Variants in MYO9A observed in about 807,000 individuals in gnomAD.
MYO9A encodes the protein myosin IXA, also known as unconventional myosin-IXa.
In MYO9A, 103 loss-of-function variants were observed where a neutral mutation model predicts 293.3. The observed-to-expected ratio is 0.35, with a 90% CI of 0.30 to 0.41. MYO9A has a LOEUF of 0.41. Among genes scored for constraint, MYO9A ranks in the 10% least tolerant of loss-of-function variants. The pLI is 1.00. For missense variants in MYO9A, 2,685 were observed against 3,033.0 expected (o/e 0.89, Z 2.69); for synonymous variants, 1,001 against 1,035.7 (o/e 0.97, Z 0.64).
rs1157525317 is a variant in MYO9A at position 71,916,359 on chromosome 15, C to G, written c.2685+11G>C. On this transcript the variant is annotated intron_variant, in intron 19 of 41. Coordinates refer to ENST00000356056, the MANE Select transcript of MYO9A (RefSeq NM_006901.4). ...AGATTCTTATTTGTTTTAAGCGAAA[C>G]AAGAAATAACCTGAAACTGGGCACT... 2 of 1,603,526 alleles carry G rather than the reference C, an allele frequency of 1.2e-6. No homozygotes were observed. The highest frequency in any genetic ancestry group is 2.2e-5 in the East Asian group (1 of 44,738).
intron 11 of MYO9A, among the ~76,000 whole-genome samples, chr15:71,986,354 G>T (rs1208343221): frequency 6.6e-6 from 1 of 152,096 alleles, no homozygotes; most frequent in East Asian, 1.9e-4. Flanking sequence ...CCCAGGGATG[G>T]CTGTACTTTC....
chr15:71,932,382 G>A (rs1197528042), intron 18 of MYO9A, among the ~76,000 whole-genome samples: 4 of 151,986 alleles, frequency 2.6e-5, no homozygotes, highest in African/African-American at 9.7e-5. Flanking sequence ...CTATCCCTTG[G>A]GAGGGAGCAG....
At chr15:71,879,887 A>G (rs2056821100) in intron 29 of MYO9A, 50 bp from the exon 30 acceptor site, 1 of 1,244,440 alleles carries the variant, frequency 8.0e-7, no homozygotes, top group Non-Finnish European at 1.2e-6. Flanking sequence ...ATTGAAAAGA[A>G]GTAAATACAA....
intron 32 of MYO9A, among the ~76,000 whole-genome samples, chr15:71,872,545 G>C (rs1360308061): frequency 6.6e-6 from 1 of 152,004 alleles, no homozygotes; most frequent in Non-Finnish European, 1.5e-5. Flanking sequence ...TGATCATTAC[G>C]CATTTTATTC....
At chr15:72,075,284 T>C (rs2079315821) in intron 1 of MYO9A, among the ~76,000 whole-genome samples, 1 of 152,012 alleles carries the variant, frequency 6.6e-6, no homozygotes, top group East Asian at 1.9e-4. Flanking sequence ...TCTTTTTACA[T>C]TTAATATTCA....
Position 71,951,860 on chromosome 15 carries a change from C to A in MYO9A, c.2219G>T (p.Ser740Ile). The A allele has an allele frequency of 3.7e-6, 6 of 1,611,884 alleles. No homozygotes were observed. Among genetic ancestry groups the A allele is most frequent in the Non-Finnish European group, 5.1e-6 (6 of 1,179,314 alleles). ...TTGGAGAAAGCTAAAACTATCCATA[C>A]TTTTCAAAATTGCACATGGCGCTGT... ...DDTAPCAILK[S>I]MDSFSFLQHP... The change falls in exon 15 of 42, where the codon AGT (serine) becomes ATT (isoleucine). Residue 740 changes from serine (S) to isoleucine (I), a missense_variant. Transcript: ENST00000356056.
chr15:71,864,241 A>G (rs971096568), intron 32 of MYO9A, among the ~76,000 whole-genome samples: 1 of 152,262 alleles, frequency 6.6e-6, no homozygotes, highest in Non-Finnish European at 1.5e-5. Context: ...GTTCAACATC[A>G]TTAGTTATCA....
chr15:71,883,814 T>C, intron 27 of MYO9A, 78 bp from the exon 28 acceptor site: 1 of 1,287,252 alleles, frequency 7.8e-7, no homozygotes, highest in Non-Finnish European at 1.1e-6. Context: ...CTTTAAGCTT[T>C]ACAAATCTTC....
In MYO9A at chr15:71,893,795, G is replaced by A. The variant is rs750018601; in HGVS notation, c.5043-17C>T. On this transcript the variant is annotated splice_polypyrimidine_tract_variant and intron_variant, in intron 25 of 41. Transcript: ENST00000356056. ...TTGCTGACACTTTAAATAAAACAAT[G>A]AAATTACATTTCAGTTCTTAGCAGA... The A allele has an allele frequency of 3.1e-6, 5 of 1,595,330 alleles. No individual in the cohort carries two copies. Among genetic ancestry groups the A allele is most frequent in the Non-Finnish European group, 4.3e-6 (5 of 1,163,878 alleles).
At chr15:71,901,563 T>A (rs956552205) in intron 22 of MYO9A, among the ~76,000 whole-genome samples, 3 of 151,908 alleles carry the variant, frequency 2.0e-5, no homozygotes, top group Non-Finnish European at 4.4e-5. Flanking sequence ...TGGTGCTACA[T>A]GCCTATACTC....
chr15:72,099,918 A>AC (rs2080214706), intron 1 of MYO9A, among the ~76,000 whole-genome samples: 1 of 150,510 alleles, frequency 6.6e-6, no homozygotes, highest in South Asian at 2.1e-4. Context: ...TCAAAAAAAA[A>AC]AAAAAAAAAA....
intron 19 of MYO9A, among the ~76,000 whole-genome samples, chr15:71,913,398 C>G (rs796361086): frequency 6.6e-6 from 1 of 152,148 alleles, no homozygotes; most frequent in Non-Finnish European, 1.5e-5. Flanking sequence ...GACAGAACAA[C>G]TCCATCTCCT....
intron 1 of MYO9A, among the ~76,000 whole-genome samples, chr15:72,067,617 C>G (rs1292031813): frequency 6.6e-6 from 1 of 152,140 alleles, no homozygotes; most frequent in Non-Finnish European, 1.5e-5. Flanking sequence ...ACTATTTAAA[C>G]AGTTTCAAAA....
Position 71,978,236 on chromosome 15 carries a change from G to T in MYO9A, c.1779C>A (p.Thr593=). The change falls in exon 12 of 42, where the codon ACC becomes ACA. Residue 593 remains threonine, a synonymous_variant. Transcript: ENST00000356056. ...TTTTGCTAATAAGATTTATGCAGCA[G>T]GTATTATCAATGTAATCTATGTTGT... The part of the protein sequence containing the change: ...SWHNIDYIDN[T]CCINLISKKP... 1.9e-6 allele frequency: 3 copies of T among 1,612,572 alleles called. No homozygotes were observed. The highest frequency in any genetic ancestry group is 2.5e-6 in the Non-Finnish European group (3 of 1,179,122).
intron 18 of MYO9A, among the ~76,000 whole-genome samples, chr15:71,924,097 T>C (rs1043701960): frequency 1.3e-5 from 2 of 152,112 alleles, no homozygotes; most frequent in Non-Finnish European, 2.9e-5. Context: ...GTATCTCCTT[T>C]GACTCATTTG....
At chr15:72,103,238 AAGC>A (rs1490563659) in intron 1 of MYO9A, among the ~76,000 whole-genome samples, 5 of 150,506 alleles carry the variant, frequency 3.3e-5, no homozygotes, top group East Asian at 2.0e-4. Flanking sequence ...GCAGCAGCAG[AAGC>A]AGCAGCAGCA....
chr15:72,071,237 G>A (rs115203541), intron 1 of MYO9A, among the ~76,000 whole-genome samples: 120 of 152,118 alleles, frequency 7.9e-4, no homozygotes, highest in African/African-American at 2.7e-3. Flanking sequence ...GTGGGCAAAG[G>A]ACAGGAACGG....
intron 19 of MYO9A, 21 bp from the exon 20 acceptor site, chr15:71,905,027 ATTATCATACTC>A (rs1176344463): frequency 6.4e-7 from 1 of 1,573,622 alleles, no homozygotes; most frequent in Non-Finnish European, 8.7e-7. Context: ...AAGCAATATA[ATTATCATACTC>A]TTCCATTCCA....
chr15:71,922,141 CT>C (rs1397796836), intron 18 of MYO9A, among the ~76,000 whole-genome samples: 2 of 152,144 alleles, frequency 1.3e-5, no homozygotes, highest in Non-Finnish European at 2.9e-5. Flanking sequence ...CCACGCCCAG[CT>C]AATTTTTTGT....
Sources: gnomAD v4.1 joint callset for allele counts (sites outside exome capture counted in the v4.1 genomes callset) on GRCh38, gnomAD v4.1.1 for gene constraint, MANE v1.5 for transcripts, NCBI Gene and HGNC (gene_info 2026-07-23, HGNC 2026-07-21) for gene names.